TNNI3K: variants seen among roughly 807,000 people sequenced by gnomAD.
TNNI3K encodes the protein TNNI3 interacting kinase.
In TNNI3K, 140 loss-of-function variants were observed where a neutral mutation model predicts 114.5. That is an observed-to-expected ratio of 1.22 (90% confidence interval 1.07 to 1.41). The LOEUF is 1.41. Among genes scored for constraint, TNNI3K ranks in the 40% most tolerant of loss-of-function variants. TNNI3K has a pLI of 0.00. For missense variants in TNNI3K, 1,125 were observed against 1,007.6 expected, an observed-to-expected ratio of 1.12 and a Z score of -1.58; for synonymous variants, 347 against 347.5, an observed-to-expected ratio of 1.00 and a Z score of 0.02.
At chr1:74,499,049 A>C (rs1249922535) in intron 23 of TNNI3K, among the ~76,000 whole-genome samples, 4 of 152,248 alleles carry the variant, frequency 2.6e-5, no homozygotes, top group Non-Finnish European at 4.4e-5. Flanking sequence ...AGAGAAATGA[A>C]TAAATAAACA....
rs574123395 is a variant in TNNI3K at position 74,405,335 on chromosome 1, C to G, written c.1773-30745C>G. Reference sequence around the variant, plus strand: ...TGAGGCTGAAGTATGTGCCAAAATACGCAGGGTGGTTTAAACCAAGCAAAT... The same window carrying G: ...TGAGGCTGAAGTATGTGCCAAAATAGGCAGGGTGGTTTAAACCAAGCAAAT... On this transcript the variant is annotated intron_variant, in intron 17 of 24. Coordinates refer to ENST00000326637, the MANE Select transcript of TNNI3K (RefSeq NM_015978.3). 5.9e-5 allele frequency among the ~76,000 whole-genome samples: 9 copies of G among 152,106 alleles called. No homozygotes were observed. In the East Asian group the frequency reaches 1.5e-3, roughly 26 times the overall value.
chr1:74,367,954 C>A lies in TNNI3K; in HGVS notation c.1311C>A (p.Ser437Arg). Residue 437 changes from serine (S) to arginine (R), a missense_variant, in exon 13 of 25, where the codon AGC becomes AGA. Physicochemically the swap from Ser to Arg is moderately radical, Grantham distance 110. Coordinates refer to ENST00000326637, the MANE Select transcript of TNNI3K (RefSeq NM_015978.3). ...SVPSPLGKIK[S>R]MTKEKADILL... ...CATCACCCTTGGGGAAGATTAAAAG[C>A]ATGACAAAAGGTACCTATAATCTGG... 1 of 1,566,094 alleles carries A rather than the reference C, an allele frequency of 6.4e-7. No homozygotes were observed. Among genetic ancestry groups the A allele is most frequent in the Admixed American group, 2.0e-5 (1 of 51,162 alleles).
chr1:74,478,472 T>C (rs1250918602), intron 21 of TNNI3K, among the ~76,000 whole-genome samples: 1 of 152,116 alleles, frequency 6.6e-6, no homozygotes, highest in Non-Finnish European at 1.5e-5. Context: ...TGAAAACAGA[T>C]GTAAAAGTAA....
chr1:74,334,069 C>A (rs1660347171), intron 6 of TNNI3K, among the ~76,000 whole-genome samples: 1 of 152,182 alleles, frequency 6.6e-6, no homozygotes, highest in Admixed American at 6.5e-5. Context: ...TTTCTGAGTG[C>A]TTTTCATGCG....
rs190112106 is a variant in TNNI3K, at chr1:74,328,415, G to A, written c.445-3035G>A. On this transcript the variant is annotated intron_variant, in intron 5 of 24. Transcript: ENST00000326637. ...GTGTACTTGTCTTAGTCCACGTGAC[G>A]GACAATATACCATATTCCCGTTAGA... 8.5e-4 allele frequency among the ~76,000 whole-genome samples: 130 copies of A among 152,060 alleles called. 2 individuals carry two copies. Among genetic ancestry groups the A allele is most frequent in the African/African-American group, 3.1e-3 (127 of 41,508 alleles).
chr1:74,496,754 C>T (rs79264521), intron 23 of TNNI3K, among the ~76,000 whole-genome samples: 4 of 152,080 alleles, frequency 2.6e-5, no homozygotes, highest in Non-Finnish European at 5.9e-5. Context: ...TGAAGTTCTG[C>T]CTCTTTTAAA....
At chr1:74,471,107 T>C (rs1210810170) in intron 21 of TNNI3K, 3 of 400,670 alleles carry the variant, frequency 7.5e-6, no homozygotes, top group Non-Finnish European at 1.3e-5. Context: ...TGGGGCAATT[T>C]TGATGTGTTT....
chr1:74,540,325 G>C lies in TNNI3K; in HGVS notation c.2431+12G>C, dbSNP rs1319019222. On this transcript the variant is annotated intron_variant, in intron 24 of 24. Coordinates refer to ENST00000326637, the MANE Select transcript of TNNI3K (RefSeq NM_015978.3). ...CATTGACAAATATGGTAAGTAGGCA[G>C]ATTCTTTAGGTTTGTTAAGAAAACT... 1 of 1,609,570 alleles carries C rather than the reference G, an allele frequency of 6.2e-7. No homozygotes were observed. Among genetic ancestry groups the C allele is most frequent in the African/African-American group, 1.3e-5 (1 of 74,724 alleles).
At chr1:74,259,743 A>C (rs568090462) in intron 4 of TNNI3K, among the ~76,000 whole-genome samples, 1 of 152,294 alleles carries the variant, frequency 6.6e-6, no homozygotes, top group East Asian at 1.9e-4. Flanking sequence ...ACTGTACTCC[A>C]GCTGGGCAAT....
At chr1:74,236,610 G>T (rs765342988) in intron 2 of TNNI3K, among the ~76,000 whole-genome samples, 4 of 151,684 alleles carry the variant, frequency 2.6e-5, no homozygotes, top group Non-Finnish European at 5.9e-5. Context: ...AACTATGACG[G>T]TAAGTCCAAT....
At chr1:74,404,021 C>G (rs568963443) in intron 17 of TNNI3K, among the ~76,000 whole-genome samples, 1 of 152,160 alleles carries the variant, frequency 6.6e-6, no homozygotes, top group Non-Finnish European at 1.5e-5. Context: ...ACCCCACTGC[C>G]CACCCCAATG....
At chr1:74,530,312 G>A (rs1646564698) in intron 23 of TNNI3K, among the ~76,000 whole-genome samples, 1 of 152,204 alleles carries the variant, frequency 6.6e-6, no homozygotes, top group African/African-American at 2.4e-5. Flanking sequence ...ACAGGTTTAA[G>A]TTGAGAAAGA....
chr1:74,408,819 A>G (rs1359568161), intron 17 of TNNI3K, among the ~76,000 whole-genome samples: 2 of 152,196 alleles, frequency 1.3e-5, no homozygotes, highest in African/African-American at 4.8e-5. Context: ...TTTAACATTT[A>G]AGTAGATAAT....
intron 6 of TNNI3K, among the ~76,000 whole-genome samples, chr1:74,335,136 C>T (rs1357642125): frequency 1.3e-5 from 2 of 152,160 alleles, no homozygotes; most frequent in East Asian, 3.8e-4. Context: ...GTGCTATGCA[C>T]TTTAAACAAA....
chr1:74,538,524 G>A (rs1372483190), intron 23 of TNNI3K, among the ~76,000 whole-genome samples: 2 of 152,132 alleles, frequency 1.3e-5, no homozygotes, highest in African/African-American at 4.8e-5. Context: ...TATGGAGGGT[G>A]TATAAGTAAA....
chr1:74,489,108 G>T (rs1235140972), intron 21 of TNNI3K, 81 bp from the exon 22 acceptor site: 2 of 1,156,872 alleles, frequency 1.7e-6, no homozygotes, highest in Non-Finnish European at 2.5e-6. Context: ...CTTTACAAAT[G>T]CTAATACCCA....
At chr1:74,395,273 C>T (rs1157188403) in intron 17 of TNNI3K, among the ~76,000 whole-genome samples, 1 of 152,108 alleles carries the variant, frequency 6.6e-6, no homozygotes, top group Non-Finnish European at 1.5e-5. Flanking sequence ...CTCAAGGTCT[C>T]TGAGTCCCTT....
chr1:74,383,060 T>C (rs1453140015), intron 17 of TNNI3K, among the ~76,000 whole-genome samples: 1 of 151,102 alleles, frequency 6.6e-6, no homozygotes, highest in Non-Finnish European at 1.5e-5. Flanking sequence ...GAATTCTTTC[T>C]CTTTCTTTAA....
intron 4 of TNNI3K, among the ~76,000 whole-genome samples, chr1:74,253,445 G>T (rs545545702): frequency 1.3e-5 from 2 of 152,262 alleles, no homozygotes; most frequent in Admixed American, 6.5e-5. Context: ...GGGTCGGGGG[G>T]AAGCTCAGGC....
Sources: allele counts gnomAD v4.1 joint callset (sites outside exome capture counted in the v4.1 genomes callset), GRCh38; gene constraint gnomAD v4.1.1; transcripts MANE v1.5; gene names NCBI Gene and HGNC (gene_info 2026-07-23, HGNC 2026-07-21).